The following STRC variants were observed in gnomAD, a reference collection of about 807,000 sequenced individuals.
STRC encodes stereocilin.
In STRC, 43 loss-of-function variants were observed where a neutral mutation model predicts 103.5. That is an observed-to-expected ratio of 0.42 (90% CI 0.33 to 0.54). The LOEUF is 0.54. Among genes scored for constraint, STRC ranks in the 20% least tolerant of loss-of-function variants. The pLI is 0.14. For missense variants in STRC, 499 were observed against 1,088.5 expected (o/e 0.46, Z 7.62); for synonymous variants, 186 against 442.3 (o/e 0.42, Z 7.27).
chr15:43,603,405 A>T lies in STRC; in HGVS notation c.4382T>A (p.Val1461Glu). 1 of 1,613,460 alleles carries T rather than the reference A, an allele frequency of 6.2e-7. No individual in the cohort carries two copies. Among genetic ancestry groups the T allele is most frequent in the East Asian group, 2.2e-5 (1 of 44,864 alleles). ...CCCTCGTACATCTGCACAATTTGGC[A>T]CAGGTTCTGAAGGGGGAAGGCAGGG... ...RPAAEDLPEP[V>E]PNCADVRGTF... Residue 1461 changes from valine (V) to glutamate (E), a missense_variant, in exon 23 of 29, where the codon GTG (valine) becomes GAG (glutamate). By Grantham distance (121) the Val-to-Glu change is moderately radical. Coordinates refer to ENST00000450892, the MANE Select transcript of STRC (RefSeq NM_153700.2).
rs2085694433 is a variant in STRC at position 43,604,109 on chromosome 15, T to C, written c.4262A>G (p.Gln1421Arg). The change falls in exon 22 of 29, where the codon CAG becomes CGG. Residue 1421 changes from glutamine (Q) to arginine (R), a missense_variant. Transcript: ENST00000450892. Reference sequence around the variant, plus strand: ...AACTCTGCTCTGCTCCCAGCTCTGCTGCTTTTCTAGAAGCCGCTCCAGGGT... The same window carrying C: ...AACTCTGCTCTGCTCCCAGCTCTGCCGCTTTTCTAGAAGCCGCTCCAGGGT... Reference protein sequence around the residue: ...PETLERLLEKQQSWEQSRVGQ... With the variant: ...PETLERLLEKRQSWEQSRVGQ... The C allele has an allele frequency of 6.2e-7, 1 of 1,612,566 alleles. No individual in the cohort carries two copies.
rs572418097 is a variant in STRC, at chr15:43,604,322, T to C, written c.4218+39A>G. On this transcript the variant is annotated intron_variant, in intron 21 of 28. Coordinates refer to ENST00000450892, the MANE Select transcript of STRC (RefSeq NM_153700.2). The stretch of plus-strand genomic sequence containing the variant: ...CCCCATAACCAGCTCACCAGTCCCC[T>C]CTATGCATTTACTCCCTTCCCTTCT... The C allele has an allele frequency of 9.7e-5, 153 of 1,579,188 alleles. 1 individual carries two copies. The highest frequency in any genetic ancestry group is 4.7e-4 in the Admixed American group (26 of 55,336).
At chr15:43,602,037 C>A (rs1395692039) in intron 23 of STRC, among the ~76,000 whole-genome samples, 1 of 149,820 alleles carries the variant, frequency 6.7e-6, no homozygotes, top group African/African-American at 2.5e-5. Context: ...ATCGTTTGAA[C>A]CCAGGATGTA....
At chr15:43,601,586 G>C (rs569443559) in intron 23 of STRC, 35 bp from the exon 24 acceptor site, 7 of 1,610,586 alleles carry the variant, frequency 4.3e-6, no homozygotes, top group Admixed American at 3.3e-5. Context: ...GAGTGGAAAA[G>C]CAGTGGATTG....
intron 15 of STRC, chr15:43,610,027 A>G: frequency 3.1e-6 from 1 of 317,754 alleles, no homozygotes; most frequent in Non-Finnish European, 6.1e-6. Context: ...TCATCTCAAA[A>G]AACAAAAAAA....
chr15:43,603,786 G>C (rs1284170035), intron 22 of STRC, among the ~76,000 whole-genome samples: 1 of 151,928 alleles, frequency 6.6e-6, no homozygotes, highest in Non-Finnish European at 1.5e-5. Context: ...GCAGGAAAAT[G>C]GAAGTTCTGG....
chr15:43,602,277 C>A (rs1330344159), intron 23 of STRC, among the ~76,000 whole-genome samples: 2 of 151,816 alleles, frequency 1.3e-5, no homozygotes, highest in African/African-American at 4.8e-5. Flanking sequence ...ACCTCCTGCA[C>A]TCATGGGATT....
Position 43,603,388 on chromosome 15 carries a change from C to T in STRC, c.4399G>A (p.Val1467Ile), listed in dbSNP as rs147447264. The change falls in exon 23 of 29, where the codon GTA becomes ATA. Residue 1467 changes from valine to isoleucine, a missense_variant. Physicochemically the swap from Val to Ile is conservative, Grantham distance 29 (BLOSUM62 3). Transcript: ENST00000450892. Reference protein sequence around the residue: ...LPEPVPNCADVRGTFPAAWSA... With the variant: ...LPEPVPNCADIRGTFPAAWSA... The stretch of plus-strand genomic sequence containing the variant: ...CAGGCTGCTGGGAATGTCCCTCGTA[C>T]ATCTGCACAATTTGGCACAGGTTCT... The T allele has an allele frequency of 1.1e-3, 1,727 of 1,613,688 alleles. 16 individuals carry two copies. Among genetic ancestry groups the T allele is most frequent in the Non-Finnish European group, 1.3e-3 (1,569 of 1,179,868 alleles).
intron 15 of STRC, chr15:43,609,864 CAA>C: frequency 4.7e-6 from 1 of 212,828 alleles, no homozygotes; most frequent in South Asian, 6.0e-5. Context: ...TCTACTAAAA[CAA>C]AAAAAAAATT....
chr15:43,604,586 A>G (rs1360390141), intron 20 of STRC, 64 bp downstream of exon 20: 3 of 1,611,426 alleles, frequency 1.9e-6, no homozygotes, highest in Non-Finnish European at 2.5e-6. Flanking sequence ...GCTGCCACTG[A>G]TGATGGTGGC....
intron 22 of STRC, chr15:43,603,664 G>C: frequency 3.2e-6 from 2 of 633,742 alleles, no homozygotes; most frequent in Non-Finnish European, 5.4e-6. Flanking sequence ...CACTGAATTT[G>C]AACCCAGTTC....
chr15:43,608,774 G>A (rs1164177501), intron 16 of STRC, among the ~76,000 whole-genome samples: 12 of 148,148 alleles, frequency 8.1e-5, no homozygotes, highest in Non-Finnish European at 1.3e-4. Flanking sequence ...TTCTAATGTG[G>A]GTGTAAGTAA....
rs1378729587 is a variant in STRC at position 43,611,333 on chromosome 15, CA to C, written c.3139-19del. On this transcript the variant is annotated intron_variant, in intron 12 of 28. Coordinates refer to ENST00000450892, the MANE Select transcript of STRC (RefSeq NM_153700.2). The stretch of plus-strand genomic sequence containing the variant: ...AGGGATAGCTAAAGAGCAAGAGAGA[CA>C]AGAGGCCTGAAGAAGAAGGGAAGGG... 1.9e-6 allele frequency: 1 copy of C among 536,466 alleles called. No homozygotes were observed. Among genetic ancestry groups the C allele is most frequent in the African/African-American group, 3.0e-5 (1 of 33,726 alleles). The allele number at this position is 536,466 out of a possible 1,614,324, so 33.2% of individuals were successfully genotyped here.
chr15:43,600,556 G>A lies in STRC; in HGVS notation c.4971C>T (p.Phe1657=). Residue 1657 remains phenylalanine, a synonymous_variant, in exon 26 of 29, where the codon TTC becomes TTT. Transcript: ENST00000450892. ...CACCTGCTATGGTGCCAATTTCAGTGAAGATCTCAGGCCCCCAGTTACTGA... is the reference window on the plus strand; with the variant it reads ...CACCTGCTATGGTGCCAATTTCAGTAAAGATCTCAGGCCCCCAGTTACTGA... ...GPISNWGPEI[F]TEIGTIAAGI... 6.2e-7 allele frequency: 1 copy of A among 1,613,520 alleles called. No individual in the cohort carries two copies. The highest frequency in any genetic ancestry group is 1.7e-4 in the Middle Eastern group (1 of 6,046).
Position 43,604,153 on chromosome 15 carries a change from C to T in STRC, c.4219-1G>A, listed in dbSNP as rs748854592. 71 of 1,609,000 alleles carry T rather than the reference C, an allele frequency of 4.4e-5. No individual in the cohort carries two copies. The highest frequency in any genetic ancestry group is 5.0e-5 in the Admixed American group (3 of 59,584). ...CCAGGGTCTCTGGACCCAAGGCCTC[C>T]TGCATGAGAAGGTAGAAGGAGAGTG... On this transcript the variant is annotated splice_acceptor_variant, in intron 21 of 28. Coordinates refer to ENST00000450892, the MANE Select transcript of STRC (RefSeq NM_153700.2). LOFTEE classifies it high-confidence loss of function.
Position 43,609,304 on chromosome 15 carries a change from G to A in STRC, c.3529C>T (p.Pro1177Ser). ...AGATTCCTGAGGGTAAGGTTGGTGG[G>A]TACTTGCATCTTCTTCCAGAGAAAC... ...AQFLWKKMQV[P>S]TNLTLRNLQA... is the part of the protein sequence containing the mutation. Residue 1177 changes from proline to serine, a missense_variant, in exon 16 of 29, where the codon CCC becomes TCC. By Grantham distance (74) the Pro-to-Ser change is moderately conservative. Coordinates refer to ENST00000450892, the MANE Select transcript of STRC (RefSeq NM_153700.2). 1 of 1,610,192 alleles carries A rather than the reference G, an allele frequency of 6.2e-7. No homozygotes were observed. Among genetic ancestry groups the A allele is most frequent in the Non-Finnish European group, 8.5e-7 (1 of 1,179,406 alleles).
Position 43,604,140 on chromosome 15 carries a change from G to A in STRC, c.4231C>T (p.Pro1411Ser), listed in dbSNP as rs780809844. The A allele has an allele frequency of 4.3e-6, 7 of 1,609,754 alleles. No individual in the cohort carries two copies. Among genetic ancestry groups the A allele is most frequent in the Non-Finnish European group, 5.9e-6 (7 of 1,178,254 alleles). ...ISLIPREALG[P>S]ETLERLLEKQ... ...TCTAGAAGCCGCTCCAGGGTCTCTG[G>A]ACCCAAGGCCTCCTGCATGAGAAGG... The change falls in exon 22 of 29, where the codon CCA (proline) becomes TCA (serine). Residue 1411 changes from proline (P) to serine (S), a missense_variant. Pro to Ser is a moderately conservative substitution (Grantham distance 74). Coordinates refer to ENST00000450892, the MANE Select transcript of STRC (RefSeq NM_153700.2).
At chr15:43,609,398 G>A (rs1161799647) in intron 15 of STRC, 64 bp from the exon 16 acceptor site, 11 of 1,521,780 alleles carry the variant, frequency 7.2e-6, no homozygotes, top group Admixed American at 1.7e-5. Context: ...ACCCCCTAGA[G>A]TGGAGAGGCA....
chr15:43,601,278 T>C (rs112602815), intron 24 of STRC, 118 bp downstream of exon 24: 10 of 1,468,012 alleles, frequency 6.8e-6, no homozygotes, highest in African/African-American at 2.8e-5. Context: ...CAACAAAAGA[T>C]AGAAAGAAGG....
Sources: allele counts gnomAD v4.1 joint callset (sites outside exome capture counted in the v4.1 genomes callset), GRCh38; gene constraint gnomAD v4.1.1; transcripts MANE v1.5; gene names NCBI Gene and HGNC (gene_info 2026-07-23, HGNC 2026-07-21).